RTF1: variants seen among roughly 807,000 people sequenced by gnomAD.
RTF1 encodes the protein RTF1 homolog, Paf1/RNA polymerase II complex component, also known as RNA polymerase-associated protein RTF1 homolog.
RTF1 carries 10 observed loss-of-function variants against 95.7 expected under a neutral mutation model. The ratio of observed to expected loss-of-function variants is 0.10; its 90% CI spans 0.06 to 0.18. The LOEUF (loss-of-function observed/expected upper bound fraction) is 0.18, where lower values mean the gene tolerates loss of function less well. Ranked by LOEUF, RTF1 falls within the 10% of genes least tolerant of loss-of-function variation. The probability of loss-of-function intolerance (pLI) is 1.00; values close to 1 mark genes in which losing one functional copy is unlikely to be tolerated. For missense variants in RTF1, 458 were observed against 875.6 expected (o/e 0.52, Z 6.02); for synonymous variants, 305 against 311.8 (o/e 0.98, Z 0.23).
chr15:41,427,936 G>A (rs547475049), intron 1 of RTF1, among the ~76,000 whole-genome samples: 2 of 151,756 alleles, frequency 1.3e-5, no homozygotes, highest in African/African-American at 4.8e-5. Flanking sequence ...ACAAGTGTCC[G>A]CCACCACACC....
In RTF1 at chr15:41,452,924, TAAG is replaced by T. The variant is rs2050795823; in HGVS notation, c.339_341del (p.Lys114del). On this transcript the variant is annotated inframe_deletion, in exon 3 of 18. Coordinates refer to ENST00000389629, the MANE Select transcript of RTF1 (RefSeq NM_015138.5). ...AGTGGACATTTGGGAGCAATAAAAATAAGAAGAAAGGAAAAGCCAGAAAAATAG... is the reference window on the plus strand; with the variant it reads ...AGTGGACATTTGGGAGCAATAAAAATAAGAAAGGAAAAGCCAGAAAAATAG... 1.2e-6 allele frequency: 2 copies of T among 1,607,016 alleles called. No homozygotes were observed. The highest frequency in any genetic ancestry group is 1.1e-5 in the South Asian group (1 of 89,926).
At chr15:41,474,044 AAAAAC>A (rs2050929597) in intron 8 of RTF1, among the ~76,000 whole-genome samples, 1 of 151,800 alleles carries the variant, frequency 6.6e-6, no homozygotes, top group South Asian at 2.1e-4. Context: ...CTCAAAAACA[AAAAAC>A]AAAAAAAAAG....
intron 8 of RTF1, among the ~76,000 whole-genome samples, chr15:41,472,167 C>CA (rs2050915620): frequency 1.4e-5 from 2 of 147,540 alleles, no homozygotes; most frequent in Non-Finnish European, 3.0e-5. Flanking sequence ...AAAGTGCTGG[C>CA]GTGAGCCACC....
At chr15:41,455,708 GC>G (rs1377640453) in intron 3 of RTF1, among the ~76,000 whole-genome samples, 3 of 151,204 alleles carry the variant, frequency 2.0e-5, no homozygotes, top group Admixed American at 6.6e-5. Context: ...AGGAGGCTGA[GC>G]CCCAAGAATC....
chr15:41,479,694 C>T (rs1355500983), intron 16 of RTF1, among the ~76,000 whole-genome samples: 1 of 151,876 alleles, frequency 6.6e-6, no homozygotes, highest in African/African-American at 2.4e-5. Flanking sequence ...AACCCCGTCT[C>T]TACTAAAAAT....
chr15:41,477,629 C>A (rs551363433), intron 14 of RTF1, 114 bp downstream of exon 14: 2 of 854,778 alleles, frequency 2.3e-6, no homozygotes, highest in South Asian at 1.5e-5. Context: ...AGGCACTTAA[C>A]GTATACACAC....
chr15:41,471,066 C>A, intron 7 of RTF1, 106 bp from the exon 8 acceptor site: 2 of 1,037,712 alleles, frequency 1.9e-6, no homozygotes, highest in Non-Finnish European at 2.8e-6. Flanking sequence ...TCCTCCTAGG[C>A]CAGTCACATG....
intron 8 of RTF1, among the ~76,000 whole-genome samples, chr15:41,473,258 C>T (rs1188112674): frequency 2.0e-5 from 3 of 151,912 alleles, no homozygotes; most frequent in Non-Finnish European, 4.4e-5. Flanking sequence ...CTCAGCCTCC[C>T]GAGTAGCTGG....
chr15:41,444,397 G>A (rs571290441), intron 2 of RTF1, among the ~76,000 whole-genome samples: 1 of 151,942 alleles, frequency 6.6e-6, no homozygotes, highest in Admixed American at 6.6e-5. Flanking sequence ...GGGCTCAAGA[G>A]ATTCTCCTGC....
At position 41,438,314 on chromosome 15, in the gene RTF1, C is replaced by G. The variant is rs2050715278; in HGVS notation, c.199-7C>G. 1.3e-6 allele frequency: 2 copies of G among 1,537,734 alleles called. No homozygotes were observed. The highest frequency in any genetic ancestry group is 1.8e-6 in the Non-Finnish European group (2 of 1,138,162). On this transcript the variant is annotated splice_region_variant and splice_polypyrimidine_tract_variant and intron_variant, in intron 1 of 17. Coordinates refer to ENST00000389629, the MANE Select transcript of RTF1 (RefSeq NM_015138.5). Reference sequence around the variant, plus strand: ...CAAAACTGATGTGCCTATTTTTGTCCCATTAGGAGCTCTTGTCCCTGGCAA... The same window carrying G: ...CAAAACTGATGTGCCTATTTTTGTCGCATTAGGAGCTCTTGTCCCTGGCAA...
chr15:41,454,457 C>G (rs1288670105), intron 3 of RTF1, among the ~76,000 whole-genome samples: 2 of 152,058 alleles, frequency 1.3e-5, no homozygotes, highest in African/African-American at 4.8e-5. Context: ...AGAAGAATCA[C>G]CACTTTTCAA....
rs1595428616 is a variant in RTF1, at chr15:41,438,359, T to G, written c.237T>G (p.Ser79=). 1 of 1,551,320 alleles carries G rather than the reference T, an allele frequency of 6.4e-7. No homozygotes were observed. The highest frequency in any genetic ancestry group is 8.7e-7 in the Non-Finnish European group (1 of 1,146,692). The change falls in exon 2 of 18, where the codon TCT becomes TCG. Residue 79 remains serine (S), a synonymous_variant. Coordinates refer to ENST00000389629, the MANE Select transcript of RTF1 (RefSeq NM_015138.5). Reference sequence around the variant, plus strand: ...TGGCAAAGCGAAAGCGCAGTGACTCTGAGGAGAAGGAGCCGCCTGTGAGTC... The same window carrying G: ...TGGCAAAGCGAAAGCGCAGTGACTCGGAGGAGAAGGAGCCGCCTGTGAGTC... ...LSLAKRKRSD[S]EEKEPPVSQP... is the part of the protein sequence containing the mutation.
chr15:41,451,357 C>T (rs1186699466), intron 2 of RTF1, among the ~76,000 whole-genome samples: 2 of 152,186 alleles, frequency 1.3e-5, no homozygotes, highest in South Asian at 2.1e-4. Flanking sequence ...GTTAAAATAT[C>T]GAAGGAGATA....
At chr15:41,437,887 A>C (rs1433537055) in intron 1 of RTF1, among the ~76,000 whole-genome samples, 10 of 152,172 alleles carry the variant, frequency 6.6e-5, no homozygotes, top group Non-Finnish European at 1.5e-4. Flanking sequence ...TGACCTCAGA[A>C]ATTACAGTTT....
rs1242559015 is a variant in RTF1 at position 41,482,822 on chromosome 15, T to C, written c.*2135T>C. 6.6e-6 allele frequency: 1 copy of C among 152,486 alleles called. No homozygotes were observed. The highest frequency in any genetic ancestry group is 1.9e-4 in the East Asian group (1 of 5,200). The allele number at this position is 152,486 out of a possible 1,614,324, so 9.4% of individuals were successfully genotyped here. A position where few individuals can be genotyped will look rare whatever the true frequency, so the allele number is the denominator to read the frequency against. On this transcript the variant is annotated 3_prime_UTR_variant, in exon 18 of 18. Transcript: ENST00000389629. ...CCTATCATGATGAACTTGGACTTTT[T>C]TTTTTGATTTCTGGTTTTAAAAAAC... is the stretch of plus-strand genomic sequence containing the variant.
chr15:41,454,386 C>T (rs902570201), intron 3 of RTF1, among the ~76,000 whole-genome samples: 6 of 151,842 alleles, frequency 4.0e-5, no homozygotes, highest in Admixed American at 1.3e-4. Flanking sequence ...CCGCCACACC[C>T]GGCCATAAAA....
intron 1 of RTF1, among the ~76,000 whole-genome samples, chr15:41,433,391 C>T (rs1223831550): frequency 1.3e-5 from 2 of 151,690 alleles, no homozygotes; most frequent in African/African-American, 4.8e-5. Flanking sequence ...CTGGAGTGCA[C>T]TGGCATGATC....
chr15:41,428,871 G>A (rs2050653386), intron 1 of RTF1, among the ~76,000 whole-genome samples: 1 of 151,818 alleles, frequency 6.6e-6, no homozygotes, highest in African/African-American at 2.4e-5. Flanking sequence ...TGTGTAGCTG[G>A]GATTACAAGC....
intron 1 of RTF1, 40 bp from the exon 2 acceptor site, chr15:41,438,281 C>G (rs1172078689): frequency 5.9e-6 from 8 of 1,345,416 alleles, no homozygotes; most frequent in Non-Finnish European, 7.2e-6. Context: ...TATTCTTTCT[C>G]TGTTGAACAA....
Sources: gnomAD v4.1 joint callset for allele counts (sites outside exome capture counted in the v4.1 genomes callset) on GRCh38, gnomAD v4.1.1 for gene constraint, MANE v1.5 for transcripts, NCBI Gene and HGNC (gene_info 2026-07-23, HGNC 2026-07-21) for gene names.